LRRC9: variants seen among roughly 807,000 people sequenced by gnomAD.
LRRC9 encodes leucine rich repeat containing 9, also known as leucine-rich repeat-containing protein 9.
In LRRC9, 122 loss-of-function variants were observed where a neutral mutation model predicts 63.2. That is an observed-to-expected ratio of 1.93 (90% confidence interval 1.67 to 2.24). LRRC9 has a LOEUF of 2.24. Ranked by LOEUF, LRRC9 falls within the 30% of genes most tolerant of loss-of-function variation. LRRC9 has a pLI of 0.00. For missense variants in LRRC9, 1,071 were observed against 627.7 expected (o/e 1.71, Z -7.55); for synonymous variants, 366 against 213.1 (o/e 1.72, Z -6.25).
chr14:59,945,753 A>G (rs909952577), intron 8 of LRRC9, among the ~76,000 whole-genome samples: 4 of 152,088 alleles, frequency 2.6e-5, no homozygotes, highest in Admixed American at 6.6e-5. Flanking sequence ...AATAAAAGGT[A>G]AATGTCTAAA....
intron 10 of LRRC9, among the ~76,000 whole-genome samples, chr14:59,961,962 T>C (rs1350045333): frequency 6.6e-6 from 1 of 152,190 alleles, no homozygotes; most frequent in African/African-American, 2.4e-5. Context: ...TGGAGCATGA[T>C]TTTACTTGAA....
intron 8 of LRRC9, among the ~76,000 whole-genome samples, chr14:59,957,509 A>T (rs1883892226): frequency 6.6e-6 from 1 of 152,044 alleles, no homozygotes; most frequent in Non-Finnish European, 1.5e-5. Flanking sequence ...TAAACTGGTT[A>T]TTCTAGTTAG....
intron 12 of LRRC9, among the ~76,000 whole-genome samples, chr14:59,968,580 G>A (rs558561181): frequency 1.3e-5 from 2 of 152,220 alleles, no homozygotes; most frequent in African/African-American, 4.8e-5. Context: ...ATAGAGGTTG[G>A]TACTGTCACT....
chr14:59,966,801 A>G lies in LRRC9; in HGVS notation c.1388+36A>G, dbSNP rs1261880993. On this transcript the variant is annotated intron_variant, in intron 11 of 31. Transcript: ENST00000445360. This position sits in a 1 kb window ranked among gnomAD's most constrained non-coding sequence, Gnocchi z 4.0. ...GAATTCTTTATGGAACAACTTTACA[A>G]AAGTGTGACTGTATTTGTAAAATTT... 1 of 566,604 alleles carries G rather than the reference A, an allele frequency of 1.8e-6. No homozygotes were observed. Among genetic ancestry groups the G allele is most frequent in the Non-Finnish European group, 3.2e-6 (1 of 315,524 alleles). The allele number at this position is 566,604 out of a possible 1,614,324, so 35.1% of individuals were successfully genotyped here. A position where few individuals can be genotyped will look rare whatever the true frequency, so the allele number is the denominator to read the frequency against.
At chr14:60,056,901 T>A (rs1277554353) in intron 30 of LRRC9, among the ~76,000 whole-genome samples, 2 of 152,274 alleles carry the variant, frequency 1.3e-5, no homozygotes, top group South Asian at 2.1e-4. Flanking sequence ...AGGAAATAAA[T>A]GAAATCTAAA....
chr14:59,998,439 T>G (rs551388797), intron 18 of LRRC9, among the ~76,000 whole-genome samples: 218 of 152,154 alleles, frequency 1.4e-3, no homozygotes, highest in Middle Eastern at 6.8e-3. Context: ...ATATGTAGAT[T>G]AATGCTAGGT....
chr14:60,002,953 T>C (rs1889509120), intron 20 of LRRC9, among the ~76,000 whole-genome samples: 1 of 152,168 alleles, frequency 6.6e-6, no homozygotes, highest in African/African-American at 2.4e-5. Flanking sequence ...CTGGTCAGAA[T>C]TCAGCCAAGG....
chr14:59,997,048 T>G (rs1406994219), intron 17 of LRRC9, among the ~76,000 whole-genome samples: 2 of 152,252 alleles, frequency 1.3e-5, no homozygotes, highest in East Asian at 1.9e-4. Context: ...ATGTTTTACA[T>G]AAGAAAAAAT....
chr14:59,969,675 T>G (rs1007360484), intron 12 of LRRC9, among the ~76,000 whole-genome samples: 4 of 152,160 alleles, frequency 2.6e-5, no homozygotes, highest in African/African-American at 9.7e-5. Context: ...CTTTTCTAGT[T>G]GGAAGAGGAA....
intron 26 of LRRC9, among the ~76,000 whole-genome samples, chr14:60,021,425 C>A (rs977367769): frequency 6.6e-6 from 1 of 151,774 alleles, no homozygotes; most frequent in African/African-American, 2.4e-5. Flanking sequence ...CAGATATTGT[C>A]TCTCAATCTG....
At chr14:59,972,196 T>C (rs1042268590) in intron 12 of LRRC9, among the ~76,000 whole-genome samples, 1 of 152,164 alleles carries the variant, frequency 6.6e-6, no homozygotes, top group Non-Finnish European at 1.5e-5. Flanking sequence ...ACAGACTTAC[T>C]GATCCTTTAA....
intron 29 of LRRC9, among the ~76,000 whole-genome samples, chr14:60,039,052 A>G (rs948024082): frequency 6.6e-6 from 1 of 152,186 alleles, no homozygotes; most frequent in Admixed American, 6.5e-5. Context: ...TTCTGTTTAT[A>G]TGATGGATTA....
intron 7 of LRRC9, among the ~76,000 whole-genome samples, chr14:59,939,020 T>TATATAC (rs1555369218): frequency 1.4e-5 from 2 of 146,646 alleles, no homozygotes; most frequent in Non-Finnish European, 3.0e-5. Context: ...TACACATATA[T>TATATAC]ATATACATAT....
chr14:59,931,995 C>T, exon 6 of LRRC9: 1 of 700,218 alleles, frequency 1.4e-6, no homozygotes, highest in Non-Finnish European at 2.6e-6. Flanking sequence ...CAATGAACAA[C>T]TGGAAAGATT....
rs1887510853 is a variant in LRRC9 at position 59,986,722 on chromosome 14, C to T, written c.2211+1498C>T. On this transcript the variant is annotated intron_variant, in intron 17 of 31. Transcript: ENST00000445360. This position sits in a 1 kb window ranked among gnomAD's most constrained non-coding sequence, Gnocchi z 4.7. ...TAGAGAGTGAGCTTAGCCAGCTGCC[C>T]AGCATTTATTTTGCCATGTGGTGGT... 6.6e-6 allele frequency among the ~76,000 whole-genome samples: 1 copy of T among 152,142 alleles called. No individual in the cohort carries two copies. Among genetic ancestry groups the T allele is most frequent in the Non-Finnish European group, 1.5e-5 (1 of 68,016 alleles).
intron 29 of LRRC9, among the ~76,000 whole-genome samples, chr14:60,037,214 C>T (rs1487956823): frequency 1.3e-5 from 2 of 152,094 alleles, no homozygotes; most frequent in East Asian, 1.9e-4. Context: ...TGAATAGTGC[C>T]ACAATAAACA....
chr14:60,035,462 T>C (rs1433662954), intron 29 of LRRC9, among the ~76,000 whole-genome samples: 1 of 152,212 alleles, frequency 6.6e-6, no homozygotes, highest in Non-Finnish European at 1.5e-5. Context: ...TTTCTTCTAG[T>C]AGTTTCATAG....
chr14:60,008,648 T>C (rs1890008162), intron 23 of LRRC9, among the ~76,000 whole-genome samples: 1 of 152,074 alleles, frequency 6.6e-6, no homozygotes, highest in East Asian at 1.9e-4. Context: ...AAGTAAGCTG[T>C]AAAGAAAAAT....
rs1306779899 is a variant in LRRC9, at chr14:60,017,816, A to G, written c.3318-555A>G. ...ATGAAGATATAGCTATAGACTGGGA[A>G]TCAAGCATTCTGTTTAATTACCAAA... is the stretch of plus-strand genomic sequence containing the variant. On this transcript the variant is annotated intron_variant, in intron 24 of 31. Transcript: ENST00000445360. The surrounding 1 kb of genome is among the most constrained non-coding windows in gnomAD (Gnocchi z 4.0). Among the ~76,000 whole-genome samples the G allele has an allele frequency of 6.6e-6, 1 of 152,112 alleles. No individual in the cohort carries two copies. Among genetic ancestry groups the G allele is most frequent in the Non-Finnish European group, 1.5e-5 (1 of 67,990 alleles).
Sources: allele counts gnomAD v4.1 joint callset (sites outside exome capture counted in the v4.1 genomes callset), GRCh38; gene constraint gnomAD v4.1.1; non-coding constraint Gnocchi (gnomAD v3.1); transcripts MANE v1.5; gene names NCBI Gene and HGNC (gene_info 2026-07-23, HGNC 2026-07-21).